Variants in TCF7L1 observed in about 807,000 individuals in gnomAD.
The protein encoded by TCF7L1 is transcription factor 7 like 1.
TCF7L1 carries 18 observed loss-of-function variants against 63.7 expected under a neutral mutation model. The observed-to-expected ratio is 0.28, with a 90% CI of 0.20 to 0.42. The LOEUF is 0.42. Ranked by LOEUF, TCF7L1 falls within the 10% of genes least tolerant of loss-of-function variation. The pLI, the probability that TCF7L1 is intolerant of heterozygous loss-of-function variation, is 1.00. For missense variants in TCF7L1, 654 were observed against 779.3 expected, an observed-to-expected ratio of 0.84 and a Z score of 1.91; for synonymous variants, 355 against 340.9, an observed-to-expected ratio of 1.04 and a Z score of -0.46.
rs1573036010 is a variant in TCF7L1 at position 85,306,595 on chromosome 2, C to T, written c.1257+36C>T. The T allele has an allele frequency of 6.5e-7, 1 of 1,533,890 alleles. No homozygotes were observed. ...ACTCTGGGCAGAGGACGCTCAGACC[C>T]CAGGAACAGCCTCTGCAAGAGGAGG... On this transcript the variant is annotated intron_variant, in intron 10 of 11. Coordinates refer to ENST00000282111, the MANE Select transcript of TCF7L1 (RefSeq NM_031283.3). The surrounding 1 kb of genome is among the most constrained non-coding windows in gnomAD (Gnocchi z 4.3).
At chr2:85,262,178 A>G in intron 3 of TCF7L1, 1 of 547,756 alleles carries the variant, frequency 1.8e-6, no homozygotes, top group South Asian at 1.4e-5. Context: ...AACCAATGAT[A>G]CAGCCTTCTG....
intron 3 of TCF7L1, among the ~76,000 whole-genome samples, chr2:85,210,441 G>A (rs1390149232): frequency 6.6e-6 from 1 of 152,214 alleles, no homozygotes; most frequent in Non-Finnish European, 1.5e-5. Flanking sequence ...GTTTTGCATT[G>A]GCACAGTAGC....
At chr2:85,289,631 C>T (rs1304189972) in intron 4 of TCF7L1, among the ~76,000 whole-genome samples, 1 of 152,112 alleles carries the variant, frequency 6.6e-6, no homozygotes, top group Admixed American at 6.5e-5. Context: ...TTCCTGGTTG[C>T]CTTTTATTTA....
intron 3 of TCF7L1, among the ~76,000 whole-genome samples, chr2:85,202,887 G>A (rs1366104626): frequency 6.6e-6 from 1 of 152,124 alleles, no homozygotes; most frequent in Non-Finnish European, 1.5e-5. Context: ...AGGCTGGAGT[G>A]CAGTGGTGCC....
intron 3 of TCF7L1, among the ~76,000 whole-genome samples, chr2:85,224,322 T>C (rs1679909870): frequency 6.6e-6 from 1 of 152,222 alleles, no homozygotes; most frequent in African/African-American, 2.4e-5. Flanking sequence ...GATTGCTGGG[T>C]CAAATGGTAT....
At chr2:85,203,115 A>G (rs189709653) in intron 3 of TCF7L1, among the ~76,000 whole-genome samples, 153 of 152,252 alleles carry the variant, frequency 1.0e-3, no homozygotes, top group Non-Finnish European at 1.5e-3. Context: ...GATTACAGGC[A>G]TGAGCCACCG....
chr2:85,186,355 G>A (rs2104258087), intron 3 of TCF7L1: 1 of 152,256 alleles, frequency 6.6e-6, no homozygotes, highest in African/African-American at 2.4e-5. Context: ...TTCCATGAGG[G>A]GGCGCCATCC....
At chr2:85,302,857 C>T (rs1215119541) in intron 5 of TCF7L1, among the ~76,000 whole-genome samples, 3 of 152,044 alleles carry the variant, frequency 2.0e-5, no homozygotes, top group South Asian at 4.1e-4. Context: ...CAGTAAAGCA[C>T]AGGGCCTGGC....
At chr2:85,189,782 C>T (rs1026719885) in intron 3 of TCF7L1, among the ~76,000 whole-genome samples, 1 of 152,242 alleles carries the variant, frequency 6.6e-6, no homozygotes, top group African/African-American at 2.4e-5. Context: ...CTCCGAGACC[C>T]CGGCCGCCTG....
chr2:85,304,665 C>G (rs547081602), intron 7 of TCF7L1, among the ~76,000 whole-genome samples: 1 of 152,296 alleles, frequency 6.6e-6, no homozygotes, highest in African/African-American at 2.4e-5. Flanking sequence ...ACCCGTCGTA[C>G]ATTGAAAACA....
Position 85,134,440 on chromosome 2 carries a change from G to A in TCF7L1, c.431G>A (p.Gly144Glu). ...YLSNGPLSPG[G>E]ARTYLQMKWP... The stretch of plus-strand genomic sequence containing the variant: ...TCCAACGGACCCCTGTCTCCCGGAG[G>A]AGCGCGCACCGTGAGTGCCCGTCGG... Residue 144 changes from glycine to glutamate, a missense_variant, in exon 3 of 12, where the codon GGA (glycine) becomes GAA (glutamate). Coordinates refer to ENST00000282111, the MANE Select transcript of TCF7L1 (RefSeq NM_031283.3). The surrounding 1 kb of genome is among the most constrained non-coding windows in gnomAD (Gnocchi z 5.0). The A allele has an allele frequency of 6.4e-7, 1 of 1,555,702 alleles. No individual in the cohort carries two copies. The highest frequency in any genetic ancestry group is 1.2e-5 in the South Asian group (1 of 84,432).
chr2:85,302,979 C>T (rs1682022076), intron 5 of TCF7L1, among the ~76,000 whole-genome samples: 1 of 152,216 alleles, frequency 6.6e-6, no homozygotes. Context: ...ATAGATTCAT[C>T]AGTCTAAGCA....
intron 3 of TCF7L1, among the ~76,000 whole-genome samples, chr2:85,261,341 C>T (rs1178568534): frequency 6.6e-6 from 1 of 152,182 alleles, no homozygotes; most frequent in Non-Finnish European, 1.5e-5. Context: ...TCTGGATTCT[C>T]CACCTCCAGT....
chr2:85,295,713 G>T (rs969750433), intron 4 of TCF7L1, among the ~76,000 whole-genome samples: 1 of 145,248 alleles, frequency 6.9e-6, no homozygotes, highest in African/African-American at 2.6e-5. Flanking sequence ...TATTATCTAA[G>T]AACAAAGGCA....
intron 3 of TCF7L1, among the ~76,000 whole-genome samples, chr2:85,193,285 G>T (rs1414819098): frequency 6.6e-6 from 1 of 152,186 alleles, no homozygotes; most frequent in Admixed American, 6.5e-5. Flanking sequence ...CAGCTGAGGA[G>T]CCAAAGTCTC....
intron 4 of TCF7L1, among the ~76,000 whole-genome samples, chr2:85,287,097 A>C (rs1207892074): frequency 6.6e-6 from 1 of 152,038 alleles, no homozygotes; most frequent in African/African-American, 2.4e-5. Context: ...CTGACTTCCC[A>C]CACCTCTGTC....
At position 85,303,743 on chromosome 2, in the gene TCF7L1, C is replaced by A. The variant is rs1178326889; in HGVS notation, c.659-152C>A. The A allele has an allele frequency of 1.2e-5, 7 of 579,408 alleles. No homozygotes were observed. The Admixed American group carries it at 1.8e-4, about 15-fold the overall frequency. 35.9% of individuals were successfully genotyped at this position (579,408 alleles called of 1,614,324 possible). ...GTCCTTGACTGACTGGTGAGAGCTG[C>A]TAGGGAGTTGACAGAGGGCAAGGAC... On this transcript the variant is annotated intron_variant, in intron 5 of 11. Transcript: ENST00000282111.
intron 3 of TCF7L1, among the ~76,000 whole-genome samples, chr2:85,165,914 C>G (rs1477088190): frequency 6.6e-6 from 1 of 152,162 alleles, no homozygotes; most frequent in Non-Finnish European, 1.5e-5. Flanking sequence ...ACCTTCAGCC[C>G]TCACCATTCT....
chr2:85,308,442 T>TCGCTTTCTCCTTCCCTCCCC (rs1558663493), intron 11 of TCF7L1, among the ~76,000 whole-genome samples: 4 of 71,776 alleles, frequency 5.6e-5, no homozygotes, highest in African/African-American at 6.5e-5. Context: ...TCTCCCTCCC[T>TCGCTTTCTCCTTCCCTCCCC]TTCTCTTTCC....
Sources: allele counts gnomAD v4.1 joint callset (sites outside exome capture counted in the v4.1 genomes callset), GRCh38; gene constraint gnomAD v4.1.1; non-coding constraint Gnocchi (gnomAD v3.1); transcripts MANE v1.5; gene names NCBI Gene and HGNC (gene_info 2026-07-23, HGNC 2026-07-21).